METTL14: variants seen among roughly 807,000 people sequenced by gnomAD.
METTL14 encodes the protein N(6)-adenosine-methyltransferase non-catalytic subunit METTL14.
In METTL14, 32 loss-of-function variants were observed where a neutral mutation model predicts 62.4. The ratio of observed to expected loss-of-function variants is 0.51; its 90% confidence interval spans 0.39 to 0.69. The LOEUF is 0.69. Ranked by LOEUF, METTL14 falls within the 30% of genes least tolerant of loss-of-function variation. The pLI is 0.00. For synonymous variants in METTL14, 150 were observed against 180.0 expected (o/e 0.83, Z 1.34); for missense variants, 340 against 551.9 (o/e 0.62, Z 3.85).
chr4:118,710,738 C>T lies in METTL14; in HGVS notation c.*436C>T, dbSNP rs1453261626. ...GGGTTTTAACATTTTCTTGATGAAA[C>T]AATAAAAAGAGGTAAGCTTTTTTCT... On this transcript the variant is annotated 3_prime_UTR_variant, in exon 11 of 11. Transcript: ENST00000388822. 6.6e-6 allele frequency: 1 copy of T among 152,246 alleles called. No homozygotes were observed. The highest frequency in any genetic ancestry group is 6.6e-5 in the Admixed American group (1 of 15,252). The allele number at this position is 152,246 out of a possible 1,614,324, so 9.4% of individuals were successfully genotyped here. A position where few individuals can be genotyped will look rare whatever the true frequency, so the allele number is the denominator to read the frequency against.
Position 118,710,230 on chromosome 4 carries a change from C to T in METTL14, c.1299C>T (p.Asn433=). 1 of 1,614,198 alleles carries T rather than the reference C, an allele frequency of 6.2e-7. No homozygotes were observed. The highest frequency in any genetic ancestry group is 8.5e-7 in the Non-Finnish European group (1 of 1,180,032). ...GTGGACGAGAAAGAAATAGATCTAA[C>T]TTCCGAGGAGAAAGAGGTGGCTTTA... ...AGRGRERNRS[N]FRGERGGFRG... Residue 433 remains asparagine (N), a synonymous_variant, in exon 11 of 11, where the codon AAC becomes AAT. Transcript: ENST00000388822.
intron 2 of METTL14, 52 bp downstream of exon 2, chr4:118,688,063 G>C (rs1332174875): frequency 4.2e-6 from 6 of 1,417,582 alleles, no homozygotes; most frequent in Non-Finnish European, 5.9e-6. Context: ...GTTTCACTCT[G>C]TTGCTTAGGC....
At position 118,713,833 on chromosome 4, in the gene METTL14, T is replaced by C. The variant is rs1417265246; in HGVS notation, c.*3531T>C. 1 of 152,244 alleles carries C rather than the reference T, an allele frequency of 6.6e-6. No homozygotes were observed. The highest frequency in any genetic ancestry group is 6.5e-5 in the Admixed American group (1 of 15,290). 9.4% of individuals were successfully genotyped at this position (152,244 alleles called of 1,614,324 possible). A position where few individuals can be genotyped will look rare whatever the true frequency, so the allele number is the denominator to read the frequency against. ...AGACTTCATTTCTGGAAATACCACA[T>C]TGCTTCTGCTCTCAATAACTCTATC... On this transcript the variant is annotated 3_prime_UTR_variant, in exon 11 of 11. Coordinates refer to ENST00000388822, the MANE Select transcript of METTL14 (RefSeq NM_020961.4).
At position 118,710,891 on chromosome 4, in the gene METTL14, AAGAAG is replaced by A. The variant is rs1226860322; in HGVS notation, c.*593_*597del. On this transcript the variant is annotated 3_prime_UTR_variant, in exon 11 of 11. Transcript: ENST00000388822. Reference sequence around the variant, plus strand: ...AGGTGGAGATTCCAGGGGTGGGTGAAAGAAGAGATAGAACTTAGCAGGCAGACTTA... The same window carrying A: ...AGGTGGAGATTCCAGGGGTGGGTGAAAGATAGAACTTAGCAGGCAGACTTA... 6.6e-6 allele frequency: 1 copy of A among 151,902 alleles called. No individual in the cohort carries two copies. The highest frequency in any genetic ancestry group is 1.5e-5 in the Non-Finnish European group (1 of 67,976). 9.4% of individuals were successfully genotyped at this position (151,902 alleles called of 1,614,324 possible).
chr4:118,692,206 C>G (rs1024698295), intron 5 of METTL14, 138 bp downstream of exon 5: 3 of 584,146 alleles, frequency 5.1e-6, no homozygotes, highest in Non-Finnish European at 8.9e-6. Context: ...TTCTGGTATA[C>G]CTTCTTTTTC....
At chr4:118,704,198 C>G in intron 9 of METTL14, 147 bp downstream of exon 9, 1 of 575,476 alleles carries the variant, frequency 1.7e-6, no homozygotes. Flanking sequence ...AGGAATACAT[C>G]CAAATTAGTT....
At chr4:118,700,774 A>G (rs1002721551) in intron 8 of METTL14, 132 bp downstream of exon 8, 3 of 589,576 alleles carry the variant, frequency 5.1e-6, no homozygotes, top group Non-Finnish European at 8.5e-6. Flanking sequence ...ATAGTGAGAA[A>G]AAAAAAATGT....
chr4:118,698,324 G>A (rs1247519933), intron 7 of METTL14, among the ~76,000 whole-genome samples: 6 of 151,652 alleles, frequency 4.0e-5, no homozygotes, highest in Non-Finnish European at 5.9e-5. Context: ...GTGGTGGCAC[G>A]TACCTGTAAT....
chr4:118,710,511 G>A lies in METTL14; in HGVS notation c.*209G>A, dbSNP rs555322584. 1.9e-6 allele frequency: 1 copy of A among 539,336 alleles called. No homozygotes were observed. Among genetic ancestry groups the A allele is most frequent in the African/African-American group, 1.9e-5 (1 of 53,088 alleles). The allele number at this position is 539,336 out of a possible 1,614,324, so 33.4% of individuals were successfully genotyped here. Reference sequence around the variant, plus strand: ...GGATAAATGAATGATTCTGCCTTTTGTTATGTGCGTGAACAGAATGGAACA... The same window carrying A: ...GGATAAATGAATGATTCTGCCTTTTATTATGTGCGTGAACAGAATGGAACA... On this transcript the variant is annotated 3_prime_UTR_variant, in exon 11 of 11. Coordinates refer to ENST00000388822, the MANE Select transcript of METTL14 (RefSeq NM_020961.4).
intron 7 of METTL14, among the ~76,000 whole-genome samples, chr4:118,699,944 A>G (rs1196531929): frequency 6.6e-6 from 1 of 152,126 alleles, no homozygotes; most frequent in South Asian, 2.1e-4. Context: ...CATGTTAGAG[A>G]GTCGGTAGTG....
In METTL14 at chr4:118,685,412, T is replaced by A. The variant is rs926049700; in HGVS notation, c.-123T>A. 2 of 981,550 alleles carry A rather than the reference T, an allele frequency of 2.0e-6. No individual in the cohort carries two copies. Among genetic ancestry groups the A allele is most frequent in the South Asian group, 2.7e-5 (2 of 73,368 alleles). The allele number at this position is 981,550 out of a possible 1,614,324, so 60.8% of individuals were successfully genotyped here. A position where few individuals can be genotyped will look rare whatever the true frequency, so the allele number is the denominator to read the frequency against. On this transcript the variant is annotated 5_prime_UTR_variant, in exon 1 of 11. Coordinates refer to ENST00000388822, the MANE Select transcript of METTL14 (RefSeq NM_020961.4). ...GCCGGAAGTCTCTACTGAGGAAAGC[T>A]ATGAGGATACTCTGTTCGTAAGCTC...
chr4:118,703,528 G>A (rs1291895544), intron 8 of METTL14, among the ~76,000 whole-genome samples: 4 of 152,182 alleles, frequency 2.6e-5, no homozygotes, highest in African/African-American at 9.7e-5. Flanking sequence ...ATTTTCAATA[G>A]TATGTAGCTT....
chr4:118,713,276 T>C lies in METTL14; in HGVS notation c.*2974T>C, dbSNP rs951326898. ...TATAGTTTCATTTAAGTTAATGGAG[T>C]ATAAAGATGGGATACTTGGGAGCTA... On this transcript the variant is annotated 3_prime_UTR_variant, in exon 11 of 11. Transcript: ENST00000388822. The C allele has an allele frequency of 2.0e-5, 3 of 152,110 alleles. No homozygotes were observed. The highest frequency in any genetic ancestry group is 4.4e-5 in the Non-Finnish European group (3 of 68,022). 9.4% of individuals were successfully genotyped at this position (152,110 alleles called of 1,614,324 possible).
At chr4:118,702,646 C>T (rs140512245) in intron 8 of METTL14, among the ~76,000 whole-genome samples, 264 of 152,040 alleles carry the variant, frequency 1.7e-3, no homozygotes, top group African/African-American at 5.6e-3. Context: ...CATGGTGGCA[C>T]GTGCTTGTGG....
At chr4:118,705,201 ATGG>A (rs1724717380) in intron 9 of METTL14, among the ~76,000 whole-genome samples, 1 of 152,160 alleles carries the variant, frequency 6.6e-6, no homozygotes, top group African/African-American at 2.4e-5. Flanking sequence ...CTCACCAGAA[ATGG>A]TGGCTCACTT....
In METTL14 at chr4:118,698,409, C is replaced by T. The variant is rs745878895; in HGVS notation, c.645+1086C>T. 7.7e-5 allele frequency among the ~76,000 whole-genome samples: 11 copies of T among 142,024 alleles called. 1 individual carries two copies. Among genetic ancestry groups the T allele is most frequent in the African/African-American group, 7.9e-5 (3 of 37,978 alleles). 93.2% of individuals were successfully genotyped at this position (142,024 alleles called of 152,430 possible). On this transcript the variant is annotated intron_variant, in intron 7 of 10. Coordinates refer to ENST00000388822, the MANE Select transcript of METTL14 (RefSeq NM_020961.4). ...CGGAGGTTGCAGTGAGCCAAGATTGCGCCATTGCACTCCAGCCTGGGCGAC... is the reference window on the plus strand; with the variant it reads ...CGGAGGTTGCAGTGAGCCAAGATTGTGCCATTGCACTCCAGCCTGGGCGAC...
In METTL14 at chr4:118,711,995, A is replaced by G. The variant is rs1724936376; in HGVS notation, c.*1693A>G. 1 of 152,236 alleles carries G rather than the reference A, an allele frequency of 6.6e-6. No individual in the cohort carries two copies. The allele number at this position is 152,236 out of a possible 1,614,324, so 9.4% of individuals were successfully genotyped here. ...TCAGTGTCACAATTTCATCTTAGAAAGAGGTAGGTATGGCTGCTTTGTCGG... is the reference window on the plus strand; with the variant it reads ...TCAGTGTCACAATTTCATCTTAGAAGGAGGTAGGTATGGCTGCTTTGTCGG... On this transcript the variant is annotated 3_prime_UTR_variant, in exon 11 of 11. Coordinates refer to ENST00000388822, the MANE Select transcript of METTL14 (RefSeq NM_020961.4).
At chr4:118,706,835 G>T (rs569181657) in intron 10 of METTL14, among the ~76,000 whole-genome samples, 19 of 152,246 alleles carry the variant, frequency 1.2e-4, no homozygotes, top group Admixed American at 1.0e-3. Context: ...GACATATGAT[G>T]TAGAACCTCT....
At chr4:118,697,620 AT>A (rs1724452989) in intron 7 of METTL14, among the ~76,000 whole-genome samples, 1 of 152,146 alleles carries the variant, frequency 6.6e-6, no homozygotes, top group African/African-American at 2.4e-5. Flanking sequence ...TTAAAAACAG[AT>A]GGAATGATTC....
Sources: gnomAD v4.1 joint callset for allele counts (sites outside exome capture counted in the v4.1 genomes callset) on GRCh38, gnomAD v4.1.1 for gene constraint, MANE v1.5 for transcripts, NCBI Gene and HGNC (gene_info 2026-07-23, HGNC 2026-07-21) for gene names.